Variants in STEAP1B observed in about 807,000 individuals in gnomAD.
The protein encoded by STEAP1B is STEAP family protein MGC87042.
Under a neutral mutation model 27.9 loss-of-function variants are expected in STEAP1B, and 13 were observed. The observed-to-expected ratio is 0.47, with a 90% CI of 0.30 to 0.74. STEAP1B has a LOEUF of 0.74. Ranked by LOEUF, STEAP1B falls within the 30% of genes least tolerant of loss-of-function variation. The probability of loss-of-function intolerance (pLI) is 0.06; values close to 1 mark genes in which losing one functional copy is unlikely to be tolerated. For synonymous variants in STEAP1B, 86 were observed against 107.1 expected (o/e 0.80, Z 1.22); for missense variants, 250 against 298.7 (o/e 0.84, Z 1.20).
Position 22,493,339 on chromosome 7 carries a change from G to A in STEAP1B, c.582C>T (p.Asn194=), listed in dbSNP as rs1482014240. The part of the protein sequence containing the change: ...MRRSYRYKLL[N]WAYQQVQQNK... ...GTCATCTCACCTGTTGATATGCCCA[G>A]TTTAGCAACTTGTATCTGTAGGATC... Residue 194 remains asparagine, a synonymous_variant, in exon 3 of 5, where the codon AAC becomes AAT. Transcript: ENST00000678116. The A allele has an allele frequency of 1.9e-6, 3 of 1,612,696 alleles. No individual in the cohort carries two copies. The highest frequency in any genetic ancestry group is 1.7e-5 in the Admixed American group (1 of 60,006).
intron 4 of STEAP1B, among the ~76,000 whole-genome samples, chr7:22,483,182 C>T (rs879776774): frequency 7.1e-6 from 1 of 141,080 alleles, no homozygotes; most frequent in Non-Finnish European, 1.6e-5. Flanking sequence ...AAATGTCAAC[C>T]GACTCTATAC....
chr7:22,420,974 G>A (rs978049141), intron 4 of STEAP1B, among the ~76,000 whole-genome samples: 7 of 152,184 alleles, frequency 4.6e-5, no homozygotes, highest in Admixed American at 2.6e-4. Flanking sequence ...ATGTGTACTT[G>A]TAACCACACT....
chr7:22,499,260 G>A (rs1227203011), intron 1 of STEAP1B, among the ~76,000 whole-genome samples: 1 of 152,198 alleles, frequency 6.6e-6, no homozygotes, highest in Non-Finnish European at 1.5e-5. Flanking sequence ...ATGTCCCGCA[G>A]TTGAGAATAT....
At chr7:22,466,352 T>A (rs970881801) in intron 4 of STEAP1B, among the ~76,000 whole-genome samples, 3 of 151,590 alleles carry the variant, frequency 2.0e-5, no homozygotes, top group Non-Finnish European at 4.4e-5. Context: ...GATAGGTAGT[T>A]TTTTTATTCT....
intron 4 of STEAP1B, among the ~76,000 whole-genome samples, chr7:22,460,974 A>G (rs1265242730): frequency 1.3e-5 from 2 of 152,218 alleles, no homozygotes; most frequent in Non-Finnish European, 2.9e-5. Flanking sequence ...GTTAAAGGGT[A>G]CATCTTGAGC....
At chr7:22,486,548 C>T (rs555772025) in intron 4 of STEAP1B, among the ~76,000 whole-genome samples, 4 of 152,186 alleles carry the variant, frequency 2.6e-5, no homozygotes, top group South Asian at 2.1e-4. Flanking sequence ...CTCACCCACT[C>T]ACTTTTCTGC....
chr7:22,463,812 G>A lies in STEAP1B; in HGVS notation c.762+28753C>T, dbSNP rs1037141498. Among the ~76,000 whole-genome samples the A allele has an allele frequency of 3.0e-4, 46 of 151,352 alleles. 1 individual carries two copies. The highest frequency in any genetic ancestry group is 3.4e-3 in the Middle Eastern group (1 of 292). On this transcript the variant is annotated intron_variant, in intron 4 of 4. Coordinates refer to ENST00000678116, the MANE Select transcript of STEAP1B (RefSeq NM_001382447.1). ...CCTTATACAAAAATCAATTCAAGAT[G>A]GATTAAAGACTTAAACGTTAGACCT...
At chr7:22,466,070 G>T (rs1785774884) in intron 4 of STEAP1B, among the ~76,000 whole-genome samples, 1 of 152,128 alleles carries the variant, frequency 6.6e-6, no homozygotes, top group African/African-American at 2.4e-5. Flanking sequence ...CATTCTCAGG[G>T]TATGCTGAAG....
rs759845605 is a variant in STEAP1B at position 22,493,584 on chromosome 7, C to T, written c.337G>A (p.Val113Ile). The T allele has an allele frequency of 2.7e-5, 43 of 1,613,822 alleles. No homozygotes were observed. In the African/African-American group the frequency reaches 5.7e-4, roughly 22 times the overall value. Residue 113 changes from valine to isoleucine, a missense_variant, in exon 3 of 5, where the codon GTC becomes ATC. Physicochemically the swap from Val to Ile is conservative, Grantham distance 29 (BLOSUM62 3). Transcript: ENST00000678116. ...ACCATTGGCAAGACTTTGTTGATGACCAGGATTGGAATTTTATAAAAATAT... is the reference window on the plus strand; with the variant it reads ...ACCATTGGCAAGACTTTGTTGATGATCAGGATTGGAATTTTATAAAAATAT... ...QQYFYKIPIL[V>I]INKVLPMVSI...
intron 4 of STEAP1B, among the ~76,000 whole-genome samples, chr7:22,478,355 G>C (rs1242392856): frequency 6.6e-6 from 1 of 152,204 alleles, no homozygotes; most frequent in Admixed American, 6.5e-5. Context: ...CTCACCCTCA[G>C]CCTACCGCTC....
At chr7:22,477,680 T>C (rs950849427) in intron 4 of STEAP1B, among the ~76,000 whole-genome samples, 2 of 152,194 alleles carry the variant, frequency 1.3e-5, no homozygotes, top group Non-Finnish European at 2.9e-5. Flanking sequence ...TTTGACAACC[T>C]CATATGTGTG....
chr7:22,459,400 T>C (rs1291848385), intron 4 of STEAP1B, among the ~76,000 whole-genome samples: 1 of 152,200 alleles, frequency 6.6e-6, no homozygotes, highest in African/African-American at 2.4e-5. Flanking sequence ...ACGTTTTCAG[T>C]GTCAACTTTA....
chr7:22,491,571 G>T (rs1290632119), intron 4 of STEAP1B, among the ~76,000 whole-genome samples: 1 of 152,144 alleles, frequency 6.6e-6, no homozygotes, highest in Admixed American at 6.5e-5. Context: ...CTTTGAAGAG[G>T]AAAGAAGAGA....
At chr7:22,484,835 G>A in intron 4 of STEAP1B, among the ~76,000 whole-genome samples, 1 of 152,218 alleles carries the variant, frequency 6.6e-6, no homozygotes. Flanking sequence ...AGAAGAAGTT[G>A]ATTCCAGTCC....
At chr7:22,499,504 A>G (rs1230224171) in intron 1 of STEAP1B, among the ~76,000 whole-genome samples, 1 of 152,242 alleles carries the variant, frequency 6.6e-6, no homozygotes, top group Non-Finnish European at 1.5e-5. Context: ...ATTTTACAAA[A>G]GTAACAAAGT....
At chr7:22,424,609 G>A (rs564708379) in intron 4 of STEAP1B, among the ~76,000 whole-genome samples, 1 of 152,158 alleles carries the variant, frequency 6.6e-6, no homozygotes, top group South Asian at 2.1e-4. Context: ...CCAGATACCT[G>A]AAAAATATCT....
At chr7:22,439,248 A>G (rs1031334410) in intron 4 of STEAP1B, among the ~76,000 whole-genome samples, 1 of 152,220 alleles carries the variant, frequency 6.6e-6, no homozygotes, top group African/African-American at 2.4e-5. Flanking sequence ...CTTTTCATCT[A>G]GATCAAACAA....
At chr7:22,490,011 C>T (rs1189470699) in intron 4 of STEAP1B, among the ~76,000 whole-genome samples, 1 of 152,184 alleles carries the variant, frequency 6.6e-6, no homozygotes, top group Non-Finnish European at 1.5e-5. Flanking sequence ...TTCTATACTT[C>T]CTATTCATGA....
rs538556748 is a variant in STEAP1B at position 22,466,788 on chromosome 7, TCTGTAAGG to T, written c.762+25769_762+25776del. On this transcript the variant is annotated intron_variant, in intron 4 of 4. Coordinates refer to ENST00000678116, the MANE Select transcript of STEAP1B (RefSeq NM_001382447.1). ...GCAGTTGACAGGGCATCCCACCAGA[TCTGTAAGG>T]CTGTGCAGTGTGGTTGTTAAAAGCA... Among the ~76,000 whole-genome samples, 708 of 152,288 alleles carry T rather than the reference TCTGTAAGG, an allele frequency of 4.6e-3. 2 individuals carry two copies. The highest frequency in any genetic ancestry group is 5.9e-3 in the Non-Finnish European group (398 of 68,022).
Sources: allele counts gnomAD v4.1 joint callset (sites outside exome capture counted in the v4.1 genomes callset), GRCh38; gene constraint gnomAD v4.1.1; transcripts MANE v1.5; gene names NCBI Gene and HGNC (gene_info 2026-07-23, HGNC 2026-07-21).